Variants in PLEKHB2 observed in about 807,000 individuals in gnomAD.
PLEKHB2 encodes pleckstrin homology domain-containing family B member 2.
A neutral mutation model predicts 36.5 loss-of-function variants in PLEKHB2; 31 were observed. The observed-to-expected ratio is 0.85, with a 90% CI of 0.64 to 1.15. PLEKHB2 has a LOEUF of 1.15. Among genes scored for constraint, PLEKHB2 ranks in the 50% most tolerant of loss-of-function variants. The pLI, the probability that PLEKHB2 is intolerant of heterozygous loss-of-function variation, is 0.00. For synonymous variants in PLEKHB2, 119 were observed against 112.0 expected (o/e 1.06, Z -0.39); for missense variants, 262 against 295.3 (o/e 0.89, Z 0.83).
At chr2:131,122,289 G>C (rs975771877) in intron 2 of PLEKHB2, among the ~76,000 whole-genome samples, 2 of 152,136 alleles carry the variant, frequency 1.3e-5, no homozygotes, top group Non-Finnish European at 2.9e-5. Flanking sequence ...TGCTATACTA[G>C]AAAGAGTGAA....
rs536273243 is a variant in PLEKHB2 at position 131,114,291 on chromosome 2, A to C, written c.-8-6643A>C. ...CAGGCGCCCGCCCCCACGCCCGGCT[A>C]ATTTTTGTATTTTTAGTAGAGACGG... On this transcript the variant is annotated intron_variant, in intron 1 of 7. Transcript: ENST00000693505. Among the ~76,000 whole-genome samples, 6 of 151,982 alleles carry C rather than the reference A, an allele frequency of 3.9e-5. 1 individual carries two copies. The South Asian group carries it at 1.2e-3, about 32-fold the overall frequency.
chr2:131,135,109 T>C (rs946137546), intron 6 of PLEKHB2, among the ~76,000 whole-genome samples: 3 of 152,176 alleles, frequency 2.0e-5, no homozygotes, highest in African/African-American at 4.8e-5. Flanking sequence ...GTCTCTCTTA[T>C]TGCCCAGGCT....
intron 7 of PLEKHB2, among the ~76,000 whole-genome samples, chr2:131,145,999 G>A (rs919928592): frequency 6.6e-6 from 1 of 151,954 alleles, no homozygotes; most frequent in South Asian, 2.1e-4. Flanking sequence ...TGGCTAACAC[G>A]GTGAAACCCC....
chr2:131,121,346 T>C (rs1449170765), intron 2 of PLEKHB2, among the ~76,000 whole-genome samples: 4 of 152,206 alleles, frequency 2.6e-5, no homozygotes, highest in Non-Finnish European at 5.9e-5. Flanking sequence ...CTTCCTGGGT[T>C]CAAGTGATTC....
chr2:131,105,990 C>T (rs1217175459), intron 1 of PLEKHB2, among the ~76,000 whole-genome samples: 1 of 152,214 alleles, frequency 6.6e-6, no homozygotes, highest in South Asian at 2.1e-4. Context: ...CGGTGCGGTC[C>T]GCCCCCGCTG....
intron 6 of PLEKHB2, among the ~76,000 whole-genome samples, chr2:131,136,233 CT>C (rs1415326140): frequency 2.1e-5 from 3 of 145,948 alleles, no homozygotes; most frequent in Non-Finnish European, 4.5e-5. Flanking sequence ...CCTCTCTCCC[CT>C]GACCCCCTGA....
At chr2:131,142,105 C>A (rs181776839) in intron 7 of PLEKHB2, among the ~76,000 whole-genome samples, 2 of 152,262 alleles carry the variant, frequency 1.3e-5, no homozygotes, top group East Asian at 3.9e-4. Context: ...AGTTTAGATA[C>A]GCCGATTCAC....
At chr2:131,121,527 G>A (rs981459204) in intron 2 of PLEKHB2, among the ~76,000 whole-genome samples, 2 of 152,132 alleles carry the variant, frequency 1.3e-5, no homozygotes, top group Non-Finnish European at 2.9e-5. Context: ...GATTACAAGC[G>A]TGAGCCACCG....
chr2:131,110,579 G>T (rs965627807), intron 1 of PLEKHB2, among the ~76,000 whole-genome samples: 1 of 152,112 alleles, frequency 6.6e-6, no homozygotes, highest in African/African-American at 2.4e-5. Context: ...TCACTGTGTT[G>T]CTGGGTTGGT....
chr2:131,140,835 C>A (rs1489859262), intron 7 of PLEKHB2, among the ~76,000 whole-genome samples: 1 of 152,184 alleles, frequency 6.6e-6, no homozygotes, highest in Non-Finnish European at 1.5e-5. Flanking sequence ...ACAATGCTGG[C>A]CACTGCTGGA....
chr2:131,122,958 T>G (rs530720283), intron 2 of PLEKHB2, among the ~76,000 whole-genome samples: 17 of 152,304 alleles, frequency 1.1e-4, no homozygotes, highest in African/African-American at 3.9e-4. Flanking sequence ...GCCCTTTGGA[T>G]GTCCTTTGCC....
chr2:131,109,644 C>T (rs563183373), intron 1 of PLEKHB2, among the ~76,000 whole-genome samples: 79 of 152,040 alleles, frequency 5.2e-4, no homozygotes, highest in Admixed American at 2.5e-3. Context: ...GAGCCAAGAT[C>T]GCGCCACTAT....
intron 7 of PLEKHB2, among the ~76,000 whole-genome samples, chr2:131,144,041 C>T (rs969755274): frequency 1.5e-4 from 23 of 152,184 alleles, no homozygotes; most frequent in African/African-American, 5.5e-4. Flanking sequence ...AGGCAGCCCC[C>T]AGACTTGCTT....
chr2:131,141,667 A>G (rs1021659041), intron 7 of PLEKHB2, among the ~76,000 whole-genome samples: 1 of 151,108 alleles, frequency 6.6e-6, no homozygotes, highest in South Asian at 2.1e-4. Flanking sequence ...AAAAGTAATT[A>G]TGACAGATTA....
intron 2 of PLEKHB2, among the ~76,000 whole-genome samples, chr2:131,123,615 C>T (rs1198968035): frequency 1.3e-5 from 2 of 152,042 alleles, no homozygotes; most frequent in Non-Finnish European, 1.5e-5. Context: ...ACCTCTGCCT[C>T]CTGGCTTCAA....
At chr2:131,144,354 G>A (rs887223270) in intron 7 of PLEKHB2, 29 of 818,426 alleles carry the variant, frequency 3.5e-5, no homozygotes, top group Non-Finnish European at 4.4e-5. Context: ...TGGGGTTGAG[G>A]TGTTTGCTTT....
At chr2:131,108,070 A>C (rs1694915923) in intron 1 of PLEKHB2, 1 of 152,236 alleles carries the variant, frequency 6.6e-6, no homozygotes, top group African/African-American at 2.4e-5. Context: ...TACAGGTAAG[A>C]AAACTGAGGC....
intron 4 of PLEKHB2, among the ~76,000 whole-genome samples, chr2:131,127,542 T>A (rs1697217284): frequency 6.6e-6 from 1 of 152,204 alleles, no homozygotes; most frequent in Non-Finnish European, 1.5e-5. Flanking sequence ...TATACATATC[T>A]TTTTCATGAG....
intron 4 of PLEKHB2, chr2:131,127,015 A>C: frequency 2.1e-6 from 1 of 473,534 alleles, no homozygotes; most frequent in South Asian, 2.6e-5. Flanking sequence ...AAGGAATAGC[A>C]GTCTCATCAT....
Sources: allele counts gnomAD v4.1 joint callset (sites outside exome capture counted in the v4.1 genomes callset), GRCh38; gene constraint gnomAD v4.1.1; transcripts MANE v1.5; gene names NCBI Gene and HGNC (gene_info 2026-07-23, HGNC 2026-07-21).